MICU2: variants seen among roughly 807,000 people sequenced by gnomAD.
MICU2 encodes calcium uptake protein 2, mitochondrial.
MICU2 carries 64 observed loss-of-function variants against 60.4 expected under a neutral mutation model. The observed-to-expected ratio is 1.06, with a 90% CI of 0.87 to 1.31. The LOEUF is 1.31. Ranked by LOEUF, MICU2 falls within the 50% of genes most tolerant of loss-of-function variation. The pLI is 0.00. For missense variants in MICU2, 569 were observed against 531.0 expected (o/e 1.07, Z -0.70); for synonymous variants, 201 against 175.0 (o/e 1.15, Z -1.17).
intron 4 of MICU2, among the ~76,000 whole-genome samples, chr13:21,523,773 T>C (rs1886783471): frequency 6.6e-6 from 1 of 152,234 alleles, no homozygotes; most frequent in Non-Finnish European, 1.5e-5. Context: ...TCATGAGTAG[T>C]ACAGCAGGAT....
intron 4 of MICU2, among the ~76,000 whole-genome samples, chr13:21,539,018 C>T (rs1887207869): frequency 6.8e-6 from 1 of 146,914 alleles, no homozygotes; most frequent in Admixed American, 6.9e-5. Context: ...CTGCCATGAC[C>T]TCTTTCCGTC....
Position 21,521,266 on chromosome 13 carries a change from A to C in MICU2, c.576T>G (p.Ile192Met), listed in dbSNP as rs756363735. 1 of 1,605,356 alleles carries C rather than the reference A, an allele frequency of 6.2e-7. No individual in the cohort carries two copies. Among genetic ancestry groups the C allele is most frequent in the Non-Finnish European group, 8.5e-7 (1 of 1,177,250 alleles). The change falls in exon 6 of 12, where the codon ATT (isoleucine) becomes ATG (methionine). Residue 192 changes from isoleucine (I) to methionine (M), a missense_variant. Transcript: ENST00000382374. ...TTACCTTAAAAAATTCCCTTTTTTC[A>C]ATCATCTCATTACCATCTGTATCCA... ...KMLDTDGNEM[I>M]EKREFFKLQK...
chr13:21,494,048 T>C (rs1429401260), intron 11 of MICU2, among the ~76,000 whole-genome samples: 2 of 152,168 alleles, frequency 1.3e-5, no homozygotes, highest in Non-Finnish European at 2.9e-5. Context: ...TTTAATGTCT[T>C]CTGAGAAAGG....
intron 2 of MICU2, among the ~76,000 whole-genome samples, chr13:21,564,456 G>A (rs1243618101): frequency 6.6e-6 from 1 of 152,036 alleles, no homozygotes; most frequent in Non-Finnish European, 1.5e-5. Context: ...TATTGCAAAG[G>A]GGCCTGCTCT....
chr13:21,511,739 C>T (rs932813191), intron 7 of MICU2, among the ~76,000 whole-genome samples: 19 of 152,110 alleles, frequency 1.2e-4, no homozygotes, highest in African/African-American at 4.6e-4. Flanking sequence ...ATGAATTCTC[C>T]ATTTCCATTA....
chr13:21,548,558 T>C (rs897464857), intron 2 of MICU2, among the ~76,000 whole-genome samples: 7 of 152,210 alleles, frequency 4.6e-5, no homozygotes, highest in South Asian at 2.1e-4. Context: ...CAACACTATA[T>C]GGTAGACACT....
chr13:21,542,036 T>TA lies in MICU2; in HGVS notation c.359-2349dup, dbSNP rs928542678. 3.7e-3 allele frequency among the ~76,000 whole-genome samples: 552 copies of TA among 149,018 alleles called. 7 individuals carry two copies. Among genetic ancestry groups the TA allele is most frequent in the African/African-American group, 0.012 (504 of 40,754 alleles). ...TCTTACATAAAATTCATTTTTAGATTAAAAAAAAAAGACAAGGCAAAGATA... is the reference window on the plus strand; with the variant it reads ...TCTTACATAAAATTCATTTTTAGATTAAAAAAAAAAAGACAAGGCAAAGATA... On this transcript the variant is annotated intron_variant, in intron 2 of 11. Transcript: ENST00000382374.
At chr13:21,539,460 G>A (rs1188944634) in intron 3 of MICU2, 83 bp from the exon 4 acceptor site, 10 of 1,382,360 alleles carry the variant, frequency 7.2e-6, no homozygotes, top group African/African-American at 4.4e-5. Context: ...CTCCATAGCC[G>A]GCTAATTTCT....
At chr13:21,573,095 T>C (rs997061409) in intron 1 of MICU2, among the ~76,000 whole-genome samples, 1 of 152,324 alleles carries the variant, frequency 6.6e-6, no homozygotes, top group African/African-American at 2.4e-5. Context: ...AGAATGTATG[T>C]TATATAAAAA....
At chr13:21,513,553 C>T (rs941788424) in intron 7 of MICU2, among the ~76,000 whole-genome samples, 1 of 151,816 alleles carries the variant, frequency 6.6e-6, no homozygotes, top group African/African-American at 2.4e-5. Flanking sequence ...GCCTGACCAA[C>T]ATGGTGAAAC....
At chr13:21,526,303 T>G (rs113946857) in intron 4 of MICU2, among the ~76,000 whole-genome samples, 2 of 152,002 alleles carry the variant, frequency 1.3e-5, no homozygotes, top group African/African-American at 4.8e-5. Context: ...CCCTTGTCTT[T>G]TTTGCCCCTA....
chr13:21,593,571 C>A (rs369557679), intron 1 of MICU2, among the ~76,000 whole-genome samples: 96 of 63,028 alleles, frequency 1.5e-3, no homozygotes, highest in South Asian at 4.3e-3. Context: ...CAATCCTAAG[C>A]AAAAAAAAAA....
intron 2 of MICU2, among the ~76,000 whole-genome samples, chr13:21,556,009 A>C (rs1328575828): frequency 2.6e-5 from 4 of 152,086 alleles, no homozygotes; most frequent in Non-Finnish European, 5.9e-5. Flanking sequence ...TGTCTCACCT[A>C]CCAACACATA....
At chr13:21,509,844 A>G (rs1229226282) in intron 8 of MICU2, among the ~76,000 whole-genome samples, 160 bp downstream of exon 8, 1 of 152,226 alleles carries the variant, frequency 6.6e-6, no homozygotes, top group Non-Finnish European at 1.5e-5. Context: ...TTTCTATTTC[A>G]TAGGTTTAGT....
At position 21,502,909 on chromosome 13, in the gene MICU2, T is replaced by C; in HGVS notation, c.933+17A>G. ...TATTTCATCTTTATCACATGCATAA[T>C]AAAAGGGTATACCAACCTCTCCTGC... On this transcript the variant is annotated intron_variant, in intron 9 of 11. Coordinates refer to ENST00000382374, the MANE Select transcript of MICU2 (RefSeq NM_152726.3). 1 of 1,593,376 alleles carries C rather than the reference T, an allele frequency of 6.3e-7. No individual in the cohort carries two copies. The highest frequency in any genetic ancestry group is 8.5e-7 in the Non-Finnish European group (1 of 1,172,952).
At chr13:21,524,586 T>C (rs548293708) in intron 4 of MICU2, among the ~76,000 whole-genome samples, 139 of 152,250 alleles carry the variant, frequency 9.1e-4, no homozygotes, top group Non-Finnish European at 1.5e-3. Flanking sequence ...ACTTGGTGAG[T>C]AGGTCTCTTA....
chr13:21,591,893 G>A (rs1383684426), intron 1 of MICU2, among the ~76,000 whole-genome samples: 1 of 152,088 alleles, frequency 6.6e-6, no homozygotes, highest in Non-Finnish European at 1.5e-5. Flanking sequence ...AGCACTAAAT[G>A]CCCACATCAG....
chr13:21,539,748 C>T, intron 2 of MICU2, 60 bp from the exon 3 acceptor site: 1 of 1,435,494 alleles, frequency 7.0e-7, no homozygotes, highest in Admixed American at 1.9e-5. Context: ...TCAACTTGCA[C>T]TAAGAAAGAA....
intron 2 of MICU2, among the ~76,000 whole-genome samples, chr13:21,550,137 A>T (rs1383848881): frequency 1.3e-5 from 2 of 152,198 alleles, no homozygotes; most frequent in Admixed American, 6.5e-5. Flanking sequence ...ATAAAGACTT[A>T]AGGCAAAATC....
Sources: gnomAD v4.1 joint callset for allele counts (sites outside exome capture counted in the v4.1 genomes callset) on GRCh38, gnomAD v4.1.1 for gene constraint, MANE v1.5 for transcripts, NCBI Gene and HGNC (gene_info 2026-07-23, HGNC 2026-07-21) for gene names.